RCOR1: variants seen among roughly 807,000 people sequenced by gnomAD.
RCOR1 encodes REST corepressor.
A neutral mutation model predicts 64.0 loss-of-function variants in RCOR1; 12 were observed. The observed-to-expected ratio is 0.19, with a 90% confidence interval of 0.12 to 0.30. The LOEUF (loss-of-function observed/expected upper bound fraction) is 0.30, where lower values mean the gene tolerates loss of function less well. Ranked by LOEUF, RCOR1 falls within the 10% of genes least tolerant of loss-of-function variation. RCOR1 has a pLI of 1.00. For synonymous variants in RCOR1, 279 were observed against 227.2 expected, an observed-to-expected ratio of 1.23 and a Z score of -2.05; for missense variants, 502 against 621.2, an observed-to-expected ratio of 0.81 and a Z score of 2.04.
At chr14:102,645,744 T>C (rs1283162636) in intron 2 of RCOR1, among the ~76,000 whole-genome samples, 1 of 152,156 alleles carries the variant, frequency 6.6e-6, no homozygotes, top group East Asian at 1.9e-4. Flanking sequence ...TTTCTGTAGG[T>C]CAGGAATTTA....
intron 2 of RCOR1, among the ~76,000 whole-genome samples, chr14:102,623,469 C>T (rs990719727): frequency 6.6e-6 from 1 of 151,214 alleles, no homozygotes. Flanking sequence ...AGTGCAATGG[C>T]GCGATCTTGG....
At chr14:102,720,802 G>T in intron 8 of RCOR1, 1 of 423,488 alleles carries the variant, frequency 2.4e-6, no homozygotes, top group Non-Finnish European at 4.2e-6. Flanking sequence ...TCCTTGGGTT[G>T]TACCTTATCT....
chr14:102,726,627 A>T lies in RCOR1; in HGVS notation c.*121A>T. ...CTGGACAAGCAGCTATTACCAAAAA[A>T]GGCATATACTTCCAGTCCTGTGCTC... On this transcript the variant is annotated 3_prime_UTR_variant, in exon 12 of 12. Transcript: ENST00000262241. 1 of 824,282 alleles carries T rather than the reference A, an allele frequency of 1.2e-6. No individual in the cohort carries two copies. Among genetic ancestry groups the T allele is most frequent in the Non-Finnish European group, 2.0e-6 (1 of 509,808 alleles). The allele number at this position is 824,282 out of a possible 1,614,324, so 51.1% of individuals were successfully genotyped here.
At chr14:102,631,094 C>T (rs1894101933) in intron 2 of RCOR1, among the ~76,000 whole-genome samples, 1 of 152,160 alleles carries the variant, frequency 6.6e-6, no homozygotes, top group Non-Finnish European at 1.5e-5. Flanking sequence ...TATATCATCA[C>T]TTCTGTCACA....
At chr14:102,723,996 A>G (rs1896214114) in intron 11 of RCOR1, among the ~76,000 whole-genome samples, 1 of 151,946 alleles carries the variant, frequency 6.6e-6, no homozygotes, top group South Asian at 2.1e-4. Flanking sequence ...TTATTCTTGG[A>G]TCATTGGTTG....
At chr14:102,656,793 TGAGATCAG>T in intron 2 of RCOR1, among the ~76,000 whole-genome samples, 1 of 151,472 alleles carries the variant, frequency 6.6e-6, no homozygotes, top group African/African-American at 2.4e-5. Context: ...TTTTTTTTTT[TGAGATCAG>T]GTCTCACTCT....
In RCOR1 at chr14:102,592,900, T is replaced by A. The variant is rs1338676790; in HGVS notation, c.14T>A (p.Val5Glu). 1 of 1,233,040 alleles carries A rather than the reference T, an allele frequency of 8.1e-7. No homozygotes were observed. Among genetic ancestry groups the A allele is most frequent in the Non-Finnish European group, 1.0e-6 (1 of 983,450 alleles). 76.4% of individuals were successfully genotyped at this position (1,233,040 alleles called of 1,614,324 possible). The change falls in exon 1 of 12, where the codon GTG (valine) becomes GAG (glutamate). Residue 5 changes from valine (V) to glutamate (E), a missense_variant. By Grantham distance (121) the Val-to-Glu change is moderately radical. This residue lies in a region of RCOR1 where 242 missense variants were observed against 204.9 expected (regional missense o/e 1.18). Coordinates refer to ENST00000262241, the MANE Select transcript of RCOR1 (RefSeq NM_015156.4). The part of the protein sequence containing the change: MPAM[V>E]EKGPEVSGKR... ...CGGCCCCCGCCGATGCCGGCCATGGTGGAGAAGGGCCCCGAGGTCTCAGGG... is the reference window on the plus strand; with the variant it reads ...CGGCCCCCGCCGATGCCGGCCATGGAGGAGAAGGGCCCCGAGGTCTCAGGG...
chr14:102,615,177 C>T (rs1176519476), intron 2 of RCOR1, among the ~76,000 whole-genome samples: 1 of 145,780 alleles, frequency 6.9e-6, no homozygotes, highest in East Asian at 2.0e-4. Context: ...TCTCACCCAG[C>T]CTGGAGTGCA....
intron 2 of RCOR1, among the ~76,000 whole-genome samples, chr14:102,601,456 T>C (rs1203198868): frequency 6.6e-6 from 1 of 152,184 alleles, no homozygotes; most frequent in Non-Finnish European, 1.5e-5. Context: ...CAAGACAGAA[T>C]TAGATGTGCA....
chr14:102,632,176 A>G (rs1567414860), intron 2 of RCOR1, among the ~76,000 whole-genome samples: 1 of 151,036 alleles, frequency 6.6e-6, no homozygotes, highest in African/African-American at 2.4e-5. Flanking sequence ...CTGGAGGGAA[A>G]AATTGGCTTT....
chr14:102,638,255 G>A lies in RCOR1; in HGVS notation c.362-43640G>A, dbSNP rs117132240. 3.1e-3 allele frequency among the ~76,000 whole-genome samples: 467 copies of A among 152,334 alleles called. 1 individual carries two copies. The highest frequency in any genetic ancestry group is 4.7e-3 in the Admixed American group (72 of 15,304). On this transcript the variant is annotated intron_variant, in intron 2 of 11. Coordinates refer to ENST00000262241, the MANE Select transcript of RCOR1 (RefSeq NM_015156.4). ...TTGTGTTTAAAAACACCAGATGGGA[G>A]CAGATTTAAAGAGGGAGATTCTAAT...
At chr14:102,601,069 A>G (rs935375916) in intron 2 of RCOR1, among the ~76,000 whole-genome samples, 2 of 151,952 alleles carry the variant, frequency 1.3e-5, no homozygotes, top group African/African-American at 4.8e-5. Flanking sequence ...CATGCCTGTA[A>G]TCCCAGCTAC....
intron 2 of RCOR1, among the ~76,000 whole-genome samples, chr14:102,604,447 C>G (rs1179668541): frequency 6.6e-6 from 1 of 152,124 alleles, no homozygotes; most frequent in African/African-American, 2.4e-5. Flanking sequence ...AATGATCTAT[C>G]CAGGTTGCTT....
At chr14:102,608,356 T>TA (rs1265034875) in intron 2 of RCOR1, among the ~76,000 whole-genome samples, 3 of 152,192 alleles carry the variant, frequency 2.0e-5, no homozygotes, top group Non-Finnish European at 4.4e-5. Flanking sequence ...TCAAGGTTCA[T>TA]TCATGTTGAA....
At chr14:102,666,402 C>T (rs761667355) in intron 2 of RCOR1, among the ~76,000 whole-genome samples, 1 of 152,084 alleles carries the variant, frequency 6.6e-6, no homozygotes, top group Non-Finnish European at 1.5e-5. Flanking sequence ...TACCCTACAC[C>T]CAGTTTCCCC....
chr14:102,600,507 T>A (rs1893368755), intron 2 of RCOR1, among the ~76,000 whole-genome samples: 1 of 152,060 alleles, frequency 6.6e-6, no homozygotes, highest in Non-Finnish European at 1.5e-5. Context: ...GTTCAAGTGC[T>A]TCTCCTGCCT....
chr14:102,692,532 A>G (rs1895555954), intron 3 of RCOR1, among the ~76,000 whole-genome samples: 2 of 152,002 alleles, frequency 1.3e-5, no homozygotes, highest in Non-Finnish European at 2.9e-5. Context: ...CATAACCACT[A>G]TTAAAGTTTG....
intron 2 of RCOR1, among the ~76,000 whole-genome samples, chr14:102,604,912 G>C (rs1363316592): frequency 6.6e-6 from 1 of 151,626 alleles, no homozygotes; most frequent in Non-Finnish European, 1.5e-5. Flanking sequence ...GTGAAACCCT[G>C]TCTCTACTAA....
Position 102,592,979 on chromosome 14 carries a change from C to T in RCOR1, c.93C>T (p.Ser31=), listed in dbSNP as rs569399655. 12,818 of 1,159,472 alleles carry T rather than the reference C, an allele frequency of 0.011. 96 individuals are homozygous for T. The highest frequency in any genetic ancestry group is 0.034 in the Middle Eastern group (95 of 2,796). 71.8% of individuals were successfully genotyped at this position (1,159,472 alleles called of 1,614,324 possible). The part of the protein sequence containing the change: ...AAASASAAAA[S]AAASAACASP... ...CCTCCGCCTCCGCCGCCGCCGCCTC[C>T]GCCGCCGCCTCGGCCGCCTGCGCCT... is the stretch of plus-strand genomic sequence containing the variant. Residue 31 remains serine, a synonymous_variant, in exon 1 of 12, where the codon TCC becomes TCT. Coordinates refer to ENST00000262241, the MANE Select transcript of RCOR1 (RefSeq NM_015156.4).
Sources: allele counts gnomAD v4.1 joint callset (sites outside exome capture counted in the v4.1 genomes callset), GRCh38; gene constraint gnomAD v4.1.1; regional missense constraint gnomAD v4.1.1; transcripts MANE v1.5; gene names NCBI Gene and HGNC (gene_info 2026-07-23, HGNC 2026-07-21).